CHIC1: variants seen among roughly 807,000 people sequenced by gnomAD.
CHIC1 encodes cysteine rich hydrophobic domain 1, also known as cysteine-rich hydrophobic domain-containing protein 1.
Under a neutral mutation model 18.5 loss-of-function variants are expected in CHIC1, and 7 were observed. The observed-to-expected ratio is 0.38, with a 90% confidence interval of 0.22 to 0.71. The LOEUF (loss-of-function observed/expected upper bound fraction) is 0.71. CHIC1 is among the 30% of genes least tolerant of loss of function. The probability of loss-of-function intolerance (pLI) is 0.49; values close to 1 mark genes in which losing one functional copy is unlikely to be tolerated. For missense variants in CHIC1, 159 were observed against 176.9 expected (o/e 0.90, Z 0.57); for synonymous variants, 77 against 73.5 (o/e 1.05, Z -0.25).
At chrX:73,610,271 A>G (rs1220893861) in intron 3 of CHIC1, among the ~76,000 whole-genome samples, 1 of 109,256 alleles carries the variant, frequency 9.2e-6, no homozygotes, top group Non-Finnish European at 1.9e-5. Context: ...AAAGCAGAGT[A>G]CTCGGCATGG....
chrX:73,644,548 C>T (rs994915108), intron 3 of CHIC1, among the ~76,000 whole-genome samples: 8 of 112,506 alleles, frequency 7.1e-5, no homozygotes, highest in African/African-American at 1.3e-4. Flanking sequence ...TCAAGCTTCC[C>T]GGCTGCTTTG....
chrX:73,637,119 AT>A (rs1329235219), intron 3 of CHIC1, among the ~76,000 whole-genome samples: 1 of 110,260 alleles, frequency 9.1e-6, no homozygotes, highest in Non-Finnish European at 1.9e-5. Context: ...TTTTTCCTTT[AT>A]TTTTGAAGGA....
intron 3 of CHIC1, among the ~76,000 whole-genome samples, chrX:73,635,334 G>T (rs999630505): frequency 2.7e-5 from 3 of 111,976 alleles, no homozygotes; most frequent in African/African-American, 9.7e-5. Context: ...TGTAAGACTA[G>T]TTTTCTTTCT....
chrX:73,574,751 A>G (rs2057488660), intron 1 of CHIC1, among the ~76,000 whole-genome samples: 1 of 110,525 alleles, frequency 9.0e-6, no homozygotes, highest in Non-Finnish European at 1.9e-5. Context: ...TTTTGTATTT[A>G]TGTGGGATAG....
At chrX:73,650,650 T>C (rs900103224) in intron 3 of CHIC1, among the ~76,000 whole-genome samples, 25 of 93,292 alleles carry the variant, frequency 2.7e-4, no homozygotes, top group African/African-American at 1.1e-3. Context: ...AATTCTTGAA[T>C]AGACCAATAA....
intron 3 of CHIC1, among the ~76,000 whole-genome samples, chrX:73,646,461 A>G: frequency 8.9e-6 from 1 of 112,192 alleles, no homozygotes; most frequent in East Asian, 2.8e-4. Context: ...TTTCATAGGA[A>G]TTGCACAAAC....
Position 73,601,960 on chromosome X carries a change from C to A in CHIC1, c.507+17388C>A, listed in dbSNP as rs1396319977. Among the ~76,000 whole-genome samples the A allele has an allele frequency of 1.3e-4, 14 of 104,110 alleles. 3 individuals are homozygous for A. Among genetic ancestry groups the A allele is most frequent in the African/African-American group, 5.3e-4 (14 of 26,339 alleles). 90.4% of individuals were successfully genotyped at this position (104,110 alleles called of 115,157 possible). A position where few individuals can be genotyped will look rare whatever the true frequency, so the allele number is the denominator to read the frequency against. ...TCTATGCAAATAAACTAGAAAATCT[C>A]GAAGAAATGGATAAATTCCTGGACA... On this transcript the variant is annotated intron_variant, in intron 3 of 5. Coordinates refer to ENST00000373502, the MANE Select transcript of CHIC1 (RefSeq NM_001039840.4).
intron 3 of CHIC1, among the ~76,000 whole-genome samples, chrX:73,615,625 G>A (rs913520929): frequency 8.1e-5 from 9 of 111,214 alleles, no homozygotes; most frequent in African/African-American, 2.6e-4. Flanking sequence ...TGGGGTTGGC[G>A]GTCTCTAGGC....
At chrX:73,636,767 G>C (rs1203914580) in intron 3 of CHIC1, among the ~76,000 whole-genome samples, 3 of 109,931 alleles carry the variant, frequency 2.7e-5, no homozygotes, top group African/African-American at 9.9e-5. Flanking sequence ...AATAACAACT[G>C]AACATAAATC....
intron 3 of CHIC1, among the ~76,000 whole-genome samples, chrX:73,595,532 C>A (rs989879589): frequency 9.0e-6 from 1 of 111,349 alleles, no homozygotes; most frequent in Non-Finnish European, 1.9e-5. Flanking sequence ...GCATAGTATT[C>A]CATGGTGTAT....
intron 3 of CHIC1, among the ~76,000 whole-genome samples, chrX:73,640,599 G>C (rs1735197673): frequency 9.0e-6 from 1 of 111,598 alleles, no homozygotes; most frequent in Non-Finnish European, 1.9e-5. Context: ...GTGTGTGTAG[G>C]AATTTGTCCA....
intron 3 of CHIC1, among the ~76,000 whole-genome samples, chrX:73,665,491 C>T (rs748722929): frequency 2.7e-5 from 3 of 111,098 alleles, no homozygotes; most frequent in East Asian, 5.7e-4. Context: ...CCTGCAAAAC[C>T]GAGGCTCCAC....
At chrX:73,652,129 C>T (rs2057919974) in intron 3 of CHIC1, among the ~76,000 whole-genome samples, 1 of 111,543 alleles carries the variant, frequency 9.0e-6, no homozygotes, top group Admixed American at 9.5e-5. Flanking sequence ...AAACAAGCAA[C>T]AGGGAAAGGA....
At chrX:73,568,703 T>C (rs1299969692) in intron 1 of CHIC1, among the ~76,000 whole-genome samples, 2 of 111,461 alleles carry the variant, frequency 1.8e-5, no homozygotes, top group Middle Eastern at 4.3e-3. Context: ...TACACCTGCA[T>C]AAAAATTAGT....
intron 3 of CHIC1, among the ~76,000 whole-genome samples, chrX:73,624,394 G>A (rs2057774246): frequency 9.0e-6 from 1 of 111,570 alleles, no homozygotes; most frequent in Non-Finnish European, 1.9e-5. Context: ...TAACCATAGT[G>A]CTCTTTAAAG....
At chrX:73,623,657 A>C (rs1487820297) in intron 3 of CHIC1, among the ~76,000 whole-genome samples, 1 of 111,129 alleles carries the variant, frequency 9.0e-6, no homozygotes, top group Admixed American at 9.6e-5. Flanking sequence ...ACTTAAAACA[A>C]TGTTTTAACC....
intron 3 of CHIC1, 64 bp from the exon 4 acceptor site, chrX:73,679,262 G>T: frequency 1.4e-6 from 1 of 696,533 alleles, no homozygotes; most frequent in South Asian, 2.4e-5. Flanking sequence ...GAAAAATATA[G>T]ATGCACATAG....
At chrX:73,594,368 C>T (rs1329362965) in intron 3 of CHIC1, among the ~76,000 whole-genome samples, 2 of 110,843 alleles carry the variant, frequency 1.8e-5, no homozygotes, top group Non-Finnish European at 3.8e-5. Context: ...TGGGGTTTCA[C>T]GATGTTGCCC....
chrX:73,674,399 C>G (rs2058050083), intron 3 of CHIC1, among the ~76,000 whole-genome samples: 1 of 111,823 alleles, frequency 8.9e-6, no homozygotes, highest in Non-Finnish European at 1.9e-5. Context: ...TGATTATTGC[C>G]TCAATGTCAG....
Sources: allele counts gnomAD v4.1 joint callset (sites outside exome capture counted in the v4.1 genomes callset), GRCh38; gene constraint gnomAD v4.1.1; transcripts MANE v1.5; gene names NCBI Gene and HGNC (gene_info 2026-07-23, HGNC 2026-07-21).